Variants in THAP6 observed in about 807,000 individuals in gnomAD.
THAP6 encodes the protein THAP domain-containing protein 6.
A neutral mutation model predicts 20.0 loss-of-function variants in THAP6; 13 were observed. The ratio of observed to expected loss-of-function variants is 0.65; its 90% confidence interval spans 0.42 to 1.03. The LOEUF (loss-of-function observed/expected upper bound fraction) is 1.03, where lower values mean the gene tolerates loss of function less well. Ranked by LOEUF, THAP6 falls within the 50% of genes least tolerant of loss-of-function variation. THAP6 has a pLI of 0.00. For missense variants in THAP6, 262 were observed against 261.6 expected (o/e 1.00, Z -0.01); for synonymous variants, 93 against 92.2 (o/e 1.01, Z -0.05).
At chr4:75,532,945 C>T (rs1037712748), downstream of THAP6, among the ~76,000 whole-genome samples, 7 of 152,186 alleles carry the variant, frequency 4.6e-5, no homozygotes, top group Non-Finnish European at 7.3e-5. Flanking sequence ...CCTTGAAGAT[C>T]GCTGACATGC....
At chr4:75,530,233 A>T (rs910005281), downstream of THAP6, among the ~76,000 whole-genome samples, 1 of 152,122 alleles carries the variant, frequency 6.6e-6, no homozygotes, top group African/African-American at 2.4e-5. Flanking sequence ...CCCTCACTCA[A>T]AACTGTCAGA....
At chr4:75,522,100 C>G (rs1259033966) in intron 4 of THAP6, 1 of 449,836 alleles carries the variant, frequency 2.2e-6, no homozygotes, top group African/African-American at 2.0e-5. Flanking sequence ...ATATTTCTAC[C>G]AAGGAAATAA....
At chr4:75,516,314 T>C (rs757773847) in intron 2 of THAP6, among the ~76,000 whole-genome samples, 1 of 152,234 alleles carries the variant, frequency 6.6e-6, no homozygotes, top group Non-Finnish European at 1.5e-5. Flanking sequence ...ACTAAGCATC[T>C]GTAGACCTGC....
downstream of THAP6, among the ~76,000 whole-genome samples, chr4:75,532,791 ATGTT>A (rs140464346): frequency 0.025 from 3,867 of 152,258 alleles, 168 homozygotes; most frequent in African/African-American, 0.088. Context: ...CCCAAGGTGT[ATGTT>A]GGCTCCTTTC....
chr4:75,539,464 A>G (rs1560552520), intron 2 of THAP6, among the ~76,000 whole-genome samples: 1 of 152,258 alleles, frequency 6.6e-6, no homozygotes, highest in Non-Finnish European at 1.5e-5. Context: ...TAAGTGGGCA[A>G]TATAGCAGGG....
chr4:75,540,348 T>G (rs116360345), intron 2 of THAP6, among the ~76,000 whole-genome samples: 99 of 152,322 alleles, frequency 6.5e-4, no homozygotes, highest in African/African-American at 2.4e-3. Flanking sequence ...GAACAAGAGC[T>G]TTTTCTCATT....
chr4:75,546,683 G>T (rs1727134357), intron 3 of THAP6, among the ~76,000 whole-genome samples: 1 of 152,152 alleles, frequency 6.6e-6, no homozygotes, highest in East Asian at 1.9e-4. Context: ...GGGTAGGCCA[G>T]GCAGGCTGAA....
At chr4:75,521,334 T>C (rs1381069481) in intron 3 of THAP6, among the ~76,000 whole-genome samples, 3 of 152,044 alleles carry the variant, frequency 2.0e-5, no homozygotes, top group African/African-American at 7.2e-5. Context: ...CAACTGCTTC[T>C]CTTAATTAGT....
intron 3 of THAP6, among the ~76,000 whole-genome samples, chr4:75,518,902 C>T (rs1725836084): frequency 6.6e-6 from 1 of 151,944 alleles, no homozygotes; most frequent in Non-Finnish European, 1.5e-5. Flanking sequence ...TAGAACATCA[C>T]TTTTTTTTAA....
At chr4:75,525,054 A>G (rs1158792234) in intron 4 of THAP6, among the ~76,000 whole-genome samples, 8 of 152,148 alleles carry the variant, frequency 5.3e-5, no homozygotes, top group Non-Finnish European at 1.2e-4. Flanking sequence ...CGTGCTGGAC[A>G]ATAATTTTTG....
intron 4 of THAP6, among the ~76,000 whole-genome samples, chr4:75,524,810 C>T (rs929393360): frequency 4.6e-5 from 7 of 151,992 alleles, no homozygotes; most frequent in Non-Finnish European, 1.0e-4. Context: ...TGCTAGAGTG[C>T]AGTGGCACAC....
chr4:75,537,432 C>G (rs1159287251), intron 2 of THAP6, among the ~76,000 whole-genome samples: 1 of 152,140 alleles, frequency 6.6e-6, no homozygotes, highest in African/African-American at 2.4e-5. Context: ...CTCAAAAGAT[C>G]TGATGGTTTG....
At chr4:75,531,364 T>C (rs924863359), downstream of THAP6, among the ~76,000 whole-genome samples, 22 of 152,212 alleles carry the variant, frequency 1.4e-4, no homozygotes, top group African/African-American at 5.1e-4. Flanking sequence ...GAGGAAGGAC[T>C]CAGAAGCTAC....
At chr4:75,542,470 T>C (rs1244135598) in exon 3 of THAP6, 1 of 702,486 alleles carries the variant, frequency 1.4e-6, no homozygotes, top group East Asian at 2.7e-5. Flanking sequence ...GTAACCATCA[T>C]AGCTAACATT....
chr4:75,514,267 TC>T (rs1447017837), upstream of THAP6: 1 of 1,612,422 alleles, frequency 6.2e-7, no homozygotes, highest in Non-Finnish European at 8.5e-7. Flanking sequence ...GGCGCCATCT[TC>T]CCGGGCCGTC....
chr4:75,540,051 A>G, intron 2 of THAP6: 2 of 1,402,554 alleles, frequency 1.4e-6, no homozygotes, highest in Middle Eastern at 1.8e-4. Context: ...GAAAATTTCA[A>G]TCACCATCCT....
chr4:75,523,911 T>C (rs887226875), intron 4 of THAP6, among the ~76,000 whole-genome samples: 8 of 152,156 alleles, frequency 5.3e-5, no homozygotes, highest in Non-Finnish European at 1.0e-4. Flanking sequence ...TTAGATTTAA[T>C]TCTTTAATCC....
intron 3 of THAP6, among the ~76,000 whole-genome samples, chr4:75,546,892 C>T (rs1227406433): frequency 6.6e-6 from 1 of 152,194 alleles, no homozygotes; most frequent in Non-Finnish European, 1.5e-5. Flanking sequence ...AACACCCTCC[C>T]AGAAACATCC....
chr4:75,534,231 A>G (rs1211620566), downstream of THAP6, among the ~76,000 whole-genome samples: 4 of 152,216 alleles, frequency 2.6e-5, no homozygotes, highest in African/African-American at 9.6e-5. Context: ...ACAATGGAAC[A>G]GAACAGAGCC....
Sources: allele counts gnomAD v4.1 joint callset (sites outside exome capture counted in the v4.1 genomes callset), GRCh38; gene constraint gnomAD v4.1.1; transcripts MANE v1.5; gene names NCBI Gene and HGNC (gene_info 2026-07-23, HGNC 2026-07-21).